The following GRIN2B variants were observed in gnomAD, a reference collection of about 807,000 sequenced individuals.
GRIN2B encodes the protein glutamate ionotropic receptor NMDA type subunit 2B, also known as glutamate receptor ionotropic, NMDA 2B.
GRIN2B carries 5 observed loss-of-function variants against 114.5 expected under a neutral mutation model. The ratio of observed to expected loss-of-function variants is 0.04; its 90% confidence interval spans 0.02 to 0.09. The LOEUF is 0.09. Ranked by LOEUF, GRIN2B falls within the 10% of genes least tolerant of loss-of-function variation. The pLI is 1.00. For missense variants in GRIN2B, 1,108 were observed against 1,943.5 expected, an observed-to-expected ratio of 0.57 and a Z score of 8.08; for synonymous variants, 787 against 745.1, an observed-to-expected ratio of 1.06 and a Z score of -0.92.
At chr12:13,840,901 T>A (rs1865366968) in intron 3 of GRIN2B, among the ~76,000 whole-genome samples, 1 of 152,212 alleles carries the variant, frequency 6.6e-6, no homozygotes, top group South Asian at 2.1e-4. Context: ...TTCAGCTCCA[T>A]TCTCCAGAGG....
intron 10 of GRIN2B, among the ~76,000 whole-genome samples, chr12:13,576,407 G>T (rs1292137188): frequency 6.6e-6 from 1 of 152,078 alleles, no homozygotes; most frequent in Non-Finnish European, 1.5e-5. Flanking sequence ...AACATTAATA[G>T]AACAGTGAGG....
intron 2 of GRIN2B, among the ~76,000 whole-genome samples, chr12:13,930,843 A>T (rs952082033): frequency 2.0e-5 from 3 of 152,186 alleles, no homozygotes; most frequent in Admixed American, 6.5e-5. Flanking sequence ...CCAACAAAAA[A>T]AAACCCATCT....
At chr12:13,684,748 G>T (rs1380892862) in intron 4 of GRIN2B, among the ~76,000 whole-genome samples, 1 of 152,154 alleles carries the variant, frequency 6.6e-6, no homozygotes, top group Non-Finnish European at 1.5e-5. Context: ...CAGTATGTTG[G>T]AATGCAGCCC....
At chr12:13,693,294 C>T (rs1950230763) in intron 4 of GRIN2B, among the ~76,000 whole-genome samples, 2 of 152,046 alleles carry the variant, frequency 1.3e-5, no homozygotes, top group African/African-American at 4.8e-5. Context: ...TAAGTGAAGA[C>T]TTATTGCATG....
chr12:13,693,828 A>C (rs1950234839), intron 4 of GRIN2B, among the ~76,000 whole-genome samples: 1 of 152,288 alleles, frequency 6.6e-6, no homozygotes, highest in African/African-American at 2.4e-5. Context: ...GAACAGCAGC[A>C]TCACACCTGT....
chr12:13,915,364 G>A (rs1866698010), intron 2 of GRIN2B, among the ~76,000 whole-genome samples: 1 of 152,168 alleles, frequency 6.6e-6, no homozygotes, highest in Non-Finnish European at 1.5e-5. Flanking sequence ...GAACCTGCTA[G>A]TTGTACCCAT....
chr12:13,935,986 A>G (rs1464091322), intron 2 of GRIN2B, among the ~76,000 whole-genome samples: 1 of 152,198 alleles, frequency 6.6e-6, no homozygotes, highest in Non-Finnish European at 1.5e-5. Flanking sequence ...GAGTCAAAGC[A>G]TAACACAGTG....
intron 3 of GRIN2B, among the ~76,000 whole-genome samples, chr12:13,842,167 T>G (rs1287719205): frequency 6.6e-6 from 1 of 152,180 alleles, no homozygotes; most frequent in Admixed American, 6.5e-5. Context: ...CATATCCCAA[T>G]ATGACACTCT....
rs971222789 is a variant in GRIN2B, at chr12:13,556,183, A to G, written c.*6600T>C. The G allele has an allele frequency of 6.6e-6, 1 of 152,282 alleles. No individual in the cohort carries two copies. Among genetic ancestry groups the G allele is most frequent in the Middle Eastern group, 3.4e-3 (1 of 294 alleles). 9.4% of individuals were successfully genotyped at this position (152,282 alleles called of 1,614,324 possible). A position where few individuals can be genotyped will look rare whatever the true frequency, so the allele number is the denominator to read the frequency against. On this transcript the variant is annotated 3_prime_UTR_variant, in exon 14 of 14. Coordinates refer to ENST00000609686, the MANE Select transcript of GRIN2B (RefSeq NM_000834.5). The stretch of plus-strand genomic sequence containing the variant: ...TGGGAGGTGTAATAATTTCAAAAGA[A>G]TAAGTCCAGGCCTGGCCATGACATG...
chr12:13,771,383 C>T (rs1252795148), intron 3 of GRIN2B, among the ~76,000 whole-genome samples: 2 of 152,050 alleles, frequency 1.3e-5, no homozygotes, highest in Non-Finnish European at 2.9e-5. Context: ...TTTAGACTTT[C>T]GTTTTGATAA....
At chr12:13,588,658 T>C (rs1948965027) in intron 10 of GRIN2B, among the ~76,000 whole-genome samples, 1 of 152,242 alleles carries the variant, frequency 6.6e-6, no homozygotes, top group Admixed American at 6.5e-5. Context: ...AGAAAAATCA[T>C]GCAGTTCTAC....
intron 4 of GRIN2B, among the ~76,000 whole-genome samples, chr12:13,728,271 A>T (rs1447232373): frequency 2.6e-5 from 4 of 152,134 alleles, no homozygotes; most frequent in Non-Finnish European, 5.9e-5. Context: ...GTTGGGTAGG[A>T]CTAACTTTGG....
At chr12:13,857,996 C>T (rs1327709050) in intron 3 of GRIN2B, among the ~76,000 whole-genome samples, 3 of 152,180 alleles carry the variant, frequency 2.0e-5, no homozygotes, top group African/African-American at 7.2e-5. Context: ...GAACCACCCC[C>T]AGCAGCCTCT....
chr12:13,649,629 G>A (rs1200170625), intron 5 of GRIN2B, among the ~76,000 whole-genome samples: 1 of 151,978 alleles, frequency 6.6e-6, no homozygotes, highest in Non-Finnish European at 1.5e-5. Flanking sequence ...TAGATCACAT[G>A]GGGTTAGGGT....
At chr12:13,803,310 C>G (rs1864548343) in intron 3 of GRIN2B, among the ~76,000 whole-genome samples, 1 of 151,928 alleles carries the variant, frequency 6.6e-6, no homozygotes, top group South Asian at 2.1e-4. Flanking sequence ...TCCCCTAACC[C>G]CCACATTGTT....
intron 5 of GRIN2B, among the ~76,000 whole-genome samples, chr12:13,660,858 C>CT (rs1398472778): frequency 1.3e-5 from 2 of 152,148 alleles, no homozygotes; most frequent in African/African-American, 4.8e-5. Context: ...GGCTCTTCTG[C>CT]TTTGACAACT....
At chr12:13,885,373 A>T (rs1866138120) in intron 2 of GRIN2B, among the ~76,000 whole-genome samples, 1 of 152,196 alleles carries the variant, frequency 6.6e-6, no homozygotes, top group Admixed American at 6.5e-5. Flanking sequence ...CAAGAATGAA[A>T]TCTATCTCTA....
intron 2 of GRIN2B, among the ~76,000 whole-genome samples, chr12:13,903,372 TTCTG>T (rs1016287090): frequency 3.7e-4 from 56 of 152,228 alleles, no homozygotes; most frequent in African/African-American, 1.3e-3. Context: ...GACCATAAAT[TTCTG>T]TCTAAGGATT....
intron 3 of GRIN2B, among the ~76,000 whole-genome samples, chr12:13,860,851 T>C (rs1165469015): frequency 6.6e-6 from 1 of 152,162 alleles, no homozygotes; most frequent in Non-Finnish European, 1.5e-5. Context: ...TCCTTTTGCC[T>C]GCTCCTACTG....
Sources: allele counts gnomAD v4.1 joint callset (sites outside exome capture counted in the v4.1 genomes callset), GRCh38; gene constraint gnomAD v4.1.1; transcripts MANE v1.5; gene names NCBI Gene and HGNC (gene_info 2026-07-23, HGNC 2026-07-21).